Variants in ZNF638 observed in about 807,000 individuals in gnomAD.
The protein encoded by ZNF638 is CTCL tumor antigen se33-1.
A neutral mutation model predicts 195.6 loss-of-function variants in ZNF638; 46 were observed. That is an observed-to-expected ratio of 0.24 (90% CI 0.19 to 0.30). The LOEUF is 0.30. Among genes scored for constraint, ZNF638 ranks in the 10% least tolerant of loss-of-function variants. The probability of loss-of-function intolerance (pLI) is 1.00; values close to 1 mark genes in which losing one functional copy is unlikely to be tolerated. For synonymous variants in ZNF638, 845 were observed against 772.0 expected, an observed-to-expected ratio of 1.09 and a Z score of -1.57; for missense variants, 2,440 against 2,325.3, an observed-to-expected ratio of 1.05 and a Z score of -1.01.
chr2:71,332,458 GC>G (rs2078589477), intron 1 of ZNF638, among the ~76,000 whole-genome samples: 1 of 152,146 alleles, frequency 6.6e-6, no homozygotes, highest in Non-Finnish European at 1.5e-5. Flanking sequence ...GGATCCAGCG[GC>G]TTTTCCGGGC....
intron 1 of ZNF638, among the ~76,000 whole-genome samples, chr2:71,337,641 A>G (rs2078693113): frequency 8.0e-6 from 1 of 124,408 alleles, no homozygotes; most frequent in South Asian, 2.5e-4. Context: ...CCTGAGCTCA[A>G]GCATTCCACC....
At chr2:71,362,369 C>A (rs542811445) in intron 3 of ZNF638, among the ~76,000 whole-genome samples, 1 of 152,252 alleles carries the variant, frequency 6.6e-6, no homozygotes, top group East Asian at 1.9e-4. Flanking sequence ...CCCCTAATTC[C>A]AGATATTCCT....
Position 71,431,425 on chromosome 2 carries a change from G to A in ZNF638, c.5749G>A (p.Glu1917Lys). 1 of 1,613,082 alleles carries A rather than the reference G, an allele frequency of 6.2e-7. No individual in the cohort carries two copies. Among genetic ancestry groups the A allele is most frequent in the Non-Finnish European group, 8.5e-7 (1 of 1,179,504 alleles). ...SGKSVASDVP[E>K]ELDFLVPKAG... is the part of the protein sequence containing the mutation. ...CAAATCAGTGGCGTCTGATGTCCCTGAGGGTAAAGTTAAAATGACATTTTT... is the reference window on the plus strand; with the variant it reads ...CAAATCAGTGGCGTCTGATGTCCCTAAGGGTAAAGTTAAAATGACATTTTT... Residue 1917 changes from glutamate to lysine, a missense_variant, in exon 26 of 28, where the codon GAG becomes AAG. Physicochemically the swap from Glu to Lys is moderately conservative, Grantham distance 56. Around this residue, in one of 5 missense-constraint regions of ZNF638, gnomAD observed 1,883 missense variants for 1,739.1 expected, o/e 1.08. Coordinates refer to ENST00000264447, the MANE Select transcript of ZNF638 (RefSeq NM_014497.5).
At chr2:71,335,303 A>G (rs1180042768) in intron 1 of ZNF638, among the ~76,000 whole-genome samples, 5 of 152,034 alleles carry the variant, frequency 3.3e-5, no homozygotes, top group Admixed American at 3.3e-4. Context: ...AACCCGCCTA[A>G]ATTGCTGGGA....
chr2:71,365,209 A>AT (rs1176577567), intron 5 of ZNF638, among the ~76,000 whole-genome samples: 1 of 152,194 alleles, frequency 6.6e-6, no homozygotes, highest in Non-Finnish European at 1.5e-5. Context: ...GTAGTCTTCA[A>AT]TAAGTGTAAA....
intron 13 of ZNF638, 30 bp downstream of exon 13, chr2:71,399,675 T>A: frequency 6.4e-7 from 1 of 1,552,470 alleles, no homozygotes. Flanking sequence ...ATTCAGTGCT[T>A]TGTTTTCTTT....
chr2:71,368,459 A>G lies in ZNF638; in HGVS notation c.2073A>G (p.Glu691=), dbSNP rs757349910. Reference sequence around the variant, plus strand: ...TACCAGAGGATGGTTGTACTGAAGAAGATGTGAGAAAATTATTTCAACCAT... The same window carrying G: ...TACCAGAGGATGGTTGTACTGAAGAGGATGTGAGAAAATTATTTCAACCAT... The part of the protein sequence containing the change: ...TELPEDGCTE[E]DVRKLFQPFG... Residue 691 remains glutamate (E), a synonymous_variant, in exon 7 of 28, where the codon GAA becomes GAG. Transcript: ENST00000264447. The G allele has an allele frequency of 6.2e-7, 1 of 1,613,708 alleles. No individual in the cohort carries two copies. Among genetic ancestry groups the G allele is most frequent in the Non-Finnish European group, 8.5e-7 (1 of 1,179,776 alleles).
At chr2:71,412,730 G>C (rs1361504622) in intron 20 of ZNF638, among the ~76,000 whole-genome samples, 2 of 73,304 alleles carry the variant, frequency 2.7e-5, no homozygotes, top group Non-Finnish European at 2.5e-5. Flanking sequence ...TTATTAAATA[G>C]GGAATCCTTT....
intron 26 of ZNF638, among the ~76,000 whole-genome samples, chr2:71,432,071 T>G (rs902667597): frequency 1.5e-4 from 23 of 152,270 alleles, no homozygotes; most frequent in South Asian, 2.1e-4. Flanking sequence ...GCTAGCCGAC[T>G]TTGTTCATGG....
intron 20 of ZNF638, among the ~76,000 whole-genome samples, chr2:71,411,040 C>G (rs1161698474): frequency 8.3e-6 from 1 of 120,922 alleles, no homozygotes; most frequent in African/African-American, 3.1e-5. Context: ...CTCTGTTGTC[C>G]AGGCTGGAGT....
intron 13 of ZNF638, 111 bp from the exon 14 acceptor site, chr2:71,400,001 G>C: frequency 1.2e-6 from 1 of 801,900 alleles, no homozygotes; most frequent in Non-Finnish European, 1.9e-6. Flanking sequence ...CTTATGTCAG[G>C]TCAGCCTAAG....
In ZNF638 at chr2:71,349,073, C is replaced by T; in HGVS notation, c.119C>T (p.Pro40Leu). 1 of 1,614,112 alleles carries T rather than the reference C, an allele frequency of 6.2e-7. No individual in the cohort carries two copies. Among genetic ancestry groups the T allele is most frequent in the Non-Finnish European group, 8.5e-7 (1 of 1,180,032 alleles). The change falls in exon 2 of 28, where the codon CCA becomes CTA. Residue 40 changes from proline (P) to leucine (L), a missense_variant. Transcript: ENST00000264447. ...ATGAGGCCTGGATCTATGGGTCTCC[C>T]AAGATTTTACCCAGCAGGGAGAGCA... Reference protein sequence around the residue: ...PFMRPGSMGLPRFYPAGRARG... With the variant: ...PFMRPGSMGLLRFYPAGRARG...
chr2:71,343,398 C>G (rs72909591), intron 1 of ZNF638, among the ~76,000 whole-genome samples: 1,966 of 152,238 alleles, frequency 0.013, 43 homozygotes, highest in African/African-American at 0.045. Flanking sequence ...CCTCACCCCA[C>G]CCCACAGTGG....
At chr2:71,410,378 T>TTTG (rs1553484357) in intron 20 of ZNF638, among the ~76,000 whole-genome samples, 3 of 151,184 alleles carry the variant, frequency 2.0e-5, no homozygotes, top group African/African-American at 7.3e-5. Flanking sequence ...GATTTTTTTT[T>TTTG]TGTGTGTGTG....
chr2:71,398,241 G>A (rs1221018412), intron 11 of ZNF638, among the ~76,000 whole-genome samples: 1 of 152,012 alleles, frequency 6.6e-6, no homozygotes, highest in African/African-American at 2.4e-5. Flanking sequence ...GAAATATCTG[G>A]GGGATGGGAG....
Position 71,365,602 on chromosome 2 carries a change from A to G in ZNF638, c.1891A>G (p.Asn631Asp), listed in dbSNP as rs2079182924. The G allele has an allele frequency of 2.5e-6, 4 of 1,614,092 alleles. No homozygotes were observed. In the African/African-American group the frequency reaches 4.0e-5, roughly 16 times the overall value. ...TACAAGCGCTACAAAGAGTGATTCA[A>G]ATCTAGGAGGACATTCTATTCGTTG... ...KPTSATKSDS[N>D]LGGHSIRCKS... Residue 631 changes from asparagine (N) to aspartate (D), a missense_variant, in exon 6 of 28, where the codon AAT becomes GAT. Physicochemically the swap from Asn to Asp is conservative, Grantham distance 23 (BLOSUM62 1). Coordinates refer to ENST00000264447, the MANE Select transcript of ZNF638 (RefSeq NM_014497.5).
intron 2 of ZNF638, among the ~76,000 whole-genome samples, chr2:71,350,976 G>A (rs1461354182): frequency 6.6e-6 from 1 of 152,302 alleles, no homozygotes; most frequent in South Asian, 2.1e-4. Flanking sequence ...GCAGTGAAGT[G>A]TACTATAATG....
At chr2:71,340,313 A>G (rs1006108608) in intron 1 of ZNF638, among the ~76,000 whole-genome samples, 2 of 152,226 alleles carry the variant, frequency 1.3e-5, no homozygotes, top group Admixed American at 1.3e-4. Flanking sequence ...CACCCTCAGA[A>G]TTGTTACTTG....
At position 71,349,233 on chromosome 2, in the gene ZNF638, A is replaced by G. The variant is rs1422130210; in HGVS notation, c.279A>G (p.Gln93=). Residue 93 remains glutamine (Q), a synonymous_variant, in exon 2 of 28, where the codon CAA becomes CAG. Transcript: ENST00000264447. ...AAAAACTGGATTTTCATGAAGCACA[A>G]CAGAAGAAGGGGAAGCCTCATGGTA... ...TKEKLDFHEA[Q]QKKGKPHGSR... is the part of the protein sequence containing the mutation. The G allele has an allele frequency of 3.1e-6, 5 of 1,614,056 alleles. No homozygotes were observed. Among genetic ancestry groups the G allele is most frequent in the Non-Finnish European group, 4.2e-6 (5 of 1,180,040 alleles).
Sources: gnomAD v4.1 joint callset for allele counts (sites outside exome capture counted in the v4.1 genomes callset) on GRCh38, gnomAD v4.1.1 for gene constraint, gnomAD v4.1.1 regional missense constraint, MANE v1.5 for transcripts, NCBI Gene and HGNC (gene_info 2026-07-23, HGNC 2026-07-21) for gene names.